Variants in ATP2C1 observed in about 807,000 individuals in gnomAD.
ATP2C1 encodes the protein calcium-transporting ATPase type 2C member 1.
ATP2C1 carries 31 observed loss-of-function variants against 120.5 expected under a neutral mutation model. That is an observed-to-expected ratio of 0.26 (90% CI 0.19 to 0.35). ATP2C1 has a LOEUF of 0.35. Among genes scored for constraint, ATP2C1 ranks in the 10% least tolerant of loss-of-function variants. The pLI is 1.00. For missense variants in ATP2C1, 731 were observed against 1,107.5 expected (o/e 0.66, Z 4.83); for synonymous variants, 351 against 358.7 (o/e 0.98, Z 0.24).
intron 2 of ATP2C1, among the ~76,000 whole-genome samples, chr3:130,906,329 A>C (rs1367910444): frequency 5.9e-5 from 9 of 152,090 alleles, no homozygotes. Flanking sequence ...TGAATCATAC[A>C]ATATGTGACC....
At chr3:130,881,613 T>C (rs1180588045) in intron 1 of ATP2C1, among the ~76,000 whole-genome samples, 1 of 152,218 alleles carries the variant, frequency 6.6e-6, no homozygotes, top group Non-Finnish European at 1.5e-5. Context: ...GGCATTTTGG[T>C]AGAGATTGCA....
chr3:130,883,483 CAG>C (rs2068854115), intron 1 of ATP2C1, among the ~76,000 whole-genome samples: 1 of 142,154 alleles, frequency 7.0e-6, no homozygotes, highest in Non-Finnish European at 1.5e-5. Context: ...TTTTTCTCCA[CAG>C]AGTTTTGCTC....
intron 1 of ATP2C1, among the ~76,000 whole-genome samples, chr3:130,867,004 T>TTA (rs2068198996): frequency 6.6e-6 from 1 of 152,220 alleles, no homozygotes; most frequent in South Asian, 2.1e-4. Flanking sequence ...TTTCCCATTA[T>TTA]TATTATATCT....
intron 1 of ATP2C1, chr3:130,851,060 C>A (rs1469693515): frequency 9.4e-6 from 4 of 425,668 alleles, no homozygotes; most frequent in Non-Finnish European, 1.6e-5. Flanking sequence ...TGTGGCTGTT[C>A]AGACTTGGCA....
downstream of ATP2C1, among the ~76,000 whole-genome samples, chr3:131,005,051 A>G (rs1199104155): frequency 3.3e-5 from 5 of 152,060 alleles, no homozygotes; most frequent in Non-Finnish European, 4.4e-5. Flanking sequence ...TTAAGGAGTA[A>G]AGGGATAATT....
chr3:130,933,921 C>T lies in ATP2C1; in HGVS notation c.235-701C>T, dbSNP rs886444063. 3.9e-5 allele frequency among the ~76,000 whole-genome samples: 6 copies of T among 152,152 alleles called. No homozygotes were observed. The South Asian group carries it at 1.2e-3, about 32-fold the overall frequency. On this transcript the variant is annotated intron_variant, in intron 4 of 27. Transcript: ENST00000510168. ...GGATGGATTCTTTTTAGCCTAATTA[C>T]TTTGCAACTTTGACAGTGATGTAAC...
intron 1 of ATP2C1, among the ~76,000 whole-genome samples, chr3:130,882,847 G>A (rs1265807344): frequency 6.6e-6 from 1 of 152,072 alleles, no homozygotes; most frequent in Non-Finnish European, 1.5e-5. Context: ...TTGTATCAGG[G>A]TAACACTTGC....
intron 18 of ATP2C1, among the ~76,000 whole-genome samples, chr3:130,977,468 C>G (rs76409740): frequency 0.027 from 4,121 of 152,224 alleles, 193 homozygotes; most frequent in African/African-American, 0.094. Context: ...TGGGCAGAGT[C>G]TTGCTACTCT....
chr3:130,921,079 CTTTTTTTTTTTTT>C (rs1170193033), intron 2 of ATP2C1, among the ~76,000 whole-genome samples: 2 of 128,562 alleles, frequency 1.6e-5, no homozygotes, highest in Non-Finnish European at 3.3e-5. Flanking sequence ...AGTTTTCTTT[CTTTTTTTTTTTTT>C]TTTTTTTGAG....
At chr3:130,896,280 T>A (rs1422430311) in intron 2 of ATP2C1, among the ~76,000 whole-genome samples, 2 of 152,226 alleles carry the variant, frequency 1.3e-5, no homozygotes, top group Non-Finnish European at 2.9e-5. Context: ...ATTCTCATTA[T>A]CTACTGAGGT....
At chr3:130,911,126 T>G (rs1268177188) in intron 2 of ATP2C1, among the ~76,000 whole-genome samples, 25 of 149,614 alleles carry the variant, frequency 1.7e-4, no homozygotes, top group South Asian at 8.5e-4. Flanking sequence ...CAATTTCAGC[T>G]CCTGTTATTG....
At chr3:130,927,127 A>G (rs1249149798) in intron 2 of ATP2C1, among the ~76,000 whole-genome samples, 1 of 152,222 alleles carries the variant, frequency 6.6e-6, no homozygotes, top group Non-Finnish European at 1.5e-5. Context: ...GTTCATAAAC[A>G]CTATATAAGT....
At chr3:130,951,292 C>G (rs1467348005) in intron 8 of ATP2C1, among the ~76,000 whole-genome samples, 1 of 152,132 alleles carries the variant, frequency 6.6e-6, no homozygotes, top group Non-Finnish European at 1.5e-5. Flanking sequence ...TAAAGTCTTT[C>G]AACACTGGAA....
At chr3:130,964,873 CTTTGA>C (rs2060983096) in intron 13 of ATP2C1, 70 bp from the exon 14 acceptor site, 4 of 1,078,136 alleles carry the variant, frequency 3.7e-6, no homozygotes, top group Middle Eastern at 2.8e-4. Flanking sequence ...GGATTCTAGT[CTTTGA>C]TTTGTTTTTT....
chr3:130,925,255 C>T (rs1449699479), intron 2 of ATP2C1, among the ~76,000 whole-genome samples: 1 of 152,146 alleles, frequency 6.6e-6, no homozygotes, highest in Non-Finnish European at 1.5e-5. Flanking sequence ...ATTCTTTTGT[C>T]CCATGGGGTT....
At chr3:130,891,882 G>A (rs1263722050), upstream of ATP2C1, among the ~76,000 whole-genome samples, 2 of 152,036 alleles carry the variant, frequency 1.3e-5, no homozygotes, top group African/African-American at 4.8e-5. Flanking sequence ...ACAGGGGATC[G>A]GTTCCAGAAC....
At chr3:130,998,968 C>T (rs2062762978) in intron 26 of ATP2C1, among the ~76,000 whole-genome samples, 1 of 152,170 alleles carries the variant, frequency 6.6e-6, no homozygotes. Context: ...TCATTTGAGG[C>T]ATGACTATTC....
intron 26 of ATP2C1, chr3:131,013,869 A>C: frequency 3.9e-6 from 2 of 508,712 alleles, no homozygotes; most frequent in Non-Finnish European, 3.4e-6. Context: ...TTAGAAATAC[A>C]GAAGCTTCTT....
rs2058295373 is a variant in ATP2C1 at position 130,909,616 on chromosome 3, T to G, written c.6+14841T>G. Among the ~76,000 whole-genome samples the G allele has an allele frequency of 2.0e-5, 3 of 152,122 alleles. 1 individual carries two copies. The highest frequency in any genetic ancestry group is 4.4e-5 in the Non-Finnish European group (3 of 68,002). On this transcript the variant is annotated intron_variant, in intron 2 of 27. Transcript: ENST00000510168. Reference sequence around the variant, plus strand: ...ATAGACTTCTCAAGGTATGGTTGGATTGTTGTGAAATAGTCTAGGCTCATT... The same window carrying G: ...ATAGACTTCTCAAGGTATGGTTGGAGTGTTGTGAAATAGTCTAGGCTCATT...
Sources: allele counts gnomAD v4.1 joint callset (sites outside exome capture counted in the v4.1 genomes callset), GRCh38; gene constraint gnomAD v4.1.1; transcripts MANE v1.5; gene names NCBI Gene and HGNC (gene_info 2026-07-23, HGNC 2026-07-21).